Variants in SFSWAP observed in about 807,000 individuals in gnomAD.
SFSWAP encodes splicing factor SWAP.
A neutral mutation model predicts 100.7 loss-of-function variants in SFSWAP; 17 were observed. The observed-to-expected ratio is 0.17, with a 90% confidence interval of 0.12 to 0.25. The LOEUF (loss-of-function observed/expected upper bound fraction) is 0.25. SFSWAP is among the 10% of genes least tolerant of loss of function. The pLI is 1.00. For synonymous variants in SFSWAP, 504 were observed against 510.1 expected (o/e 0.99, Z 0.16); for missense variants, 1,005 against 1,262.6 (o/e 0.80, Z 3.09).
rs1885477413 is a variant in SFSWAP at position 131,794,308 on chromosome 12, G to A, written c.2535-2870G>A. Among the ~76,000 whole-genome samples the A allele has an allele frequency of 6.6e-6, 1 of 151,422 alleles. No individual in the cohort carries two copies. Among genetic ancestry groups the A allele is most frequent in the African/African-American group, 2.4e-5 (1 of 41,222 alleles). On this transcript the variant is annotated intron_variant, in intron 15 of 17. Transcript: ENST00000261674. This position sits in a 1 kb window ranked among gnomAD's most constrained non-coding sequence, Gnocchi z 4.8. ...CCAGCACTTTGGGAGGCCAAGGCAG[G>A]AGGATTGCTTGAGCCCAGGATTTGC...
chr12:131,737,989 A>T (rs1295192833), intron 7 of SFSWAP, among the ~76,000 whole-genome samples: 1 of 152,164 alleles, frequency 6.6e-6, no homozygotes. Context: ...AAGAGTATAA[A>T]TAAATAAAAG....
In SFSWAP at chr12:131,725,081, G is replaced by A. The variant is rs1878831623; in HGVS notation, c.607-324G>A. On this transcript the variant is annotated intron_variant, in intron 4 of 17. Coordinates refer to ENST00000261674, the MANE Select transcript of SFSWAP (RefSeq NM_004592.4). The surrounding 1 kb of genome is among the most constrained non-coding windows in gnomAD (Gnocchi z 4.3). ...CTTGTTTGTAAAATTCACATGCACA[G>A]AGGATTCACAAACCCCCTGAATTCC... Among the ~76,000 whole-genome samples, 1 of 152,218 alleles carries A rather than the reference G, an allele frequency of 6.6e-6. No individual in the cohort carries two copies. The highest frequency in any genetic ancestry group is 1.5e-5 in the Non-Finnish European group (1 of 68,044).
intron 14 of SFSWAP, among the ~76,000 whole-genome samples, chr12:131,783,149 C>G (rs1371450169): frequency 6.7e-6 from 1 of 149,700 alleles, no homozygotes; most frequent in Admixed American, 6.7e-5. Context: ...TCACTGCTCT[C>G]CAGCCTGGGC....
chr12:131,777,940 G>A (rs1884156102), intron 13 of SFSWAP, 125 bp from the exon 14 acceptor site: 10 of 1,456,800 alleles, frequency 6.9e-6, no homozygotes, highest in Non-Finnish European at 9.1e-6. Flanking sequence ...GCCACAGGAG[G>A]AGACTTTCTA....
intron 14 of SFSWAP, among the ~76,000 whole-genome samples, chr12:131,781,310 T>C (rs1252569545): frequency 6.7e-6 from 1 of 149,656 alleles, no homozygotes; most frequent in Non-Finnish European, 1.5e-5. Context: ...CGATCTCTGC[T>C]CACTGCAAGC....
chr12:131,768,300 CT>C (rs1290531345), intron 13 of SFSWAP, among the ~76,000 whole-genome samples: 38 of 152,340 alleles, frequency 2.5e-4, no homozygotes, highest in African/African-American at 9.1e-4. Context: ...CAGAATGAGC[CT>C]TTCACTTTAA....
intron 14 of SFSWAP, chr12:131,785,343 C>A: frequency 1.0e-6 from 1 of 982,274 alleles, no homozygotes; most frequent in Non-Finnish European, 1.5e-6. Context: ...CTCCAGGATG[C>A]CGGGGTCTGA....
intron 15 of SFSWAP, among the ~76,000 whole-genome samples, chr12:131,786,917 G>A (rs1884938104): frequency 6.6e-6 from 1 of 152,164 alleles, no homozygotes; most frequent in Non-Finnish European, 1.5e-5. Context: ...GGACAGGAAG[G>A]CACAAACAGA....
intron 13 of SFSWAP, among the ~76,000 whole-genome samples, 192 bp downstream of exon 13, chr12:131,766,500 G>A (rs186422022): frequency 6.6e-4 from 100 of 152,276 alleles, no homozygotes; most frequent in African/African-American, 2.1e-3. Flanking sequence ...AGTCTCCCCC[G>A]TCAGTGCACA....
chr12:131,725,640 A>G lies in SFSWAP; in HGVS notation c.832+10A>G, dbSNP rs1220142366. 4 of 1,600,704 alleles carry G rather than the reference A, an allele frequency of 2.5e-6. No individual in the cohort carries two copies. The highest frequency in any genetic ancestry group is 1.7e-4 in the Middle Eastern group (1 of 6,048). On this transcript the variant is annotated intron_variant, in intron 5 of 17. Transcript: ENST00000261674. The surrounding 1 kb of genome is among the most constrained non-coding windows in gnomAD (Gnocchi z 4.3). Reference sequence around the variant, plus strand: ...AGTGACGAGAAAAAAAGTAGGTCCCACTGCGTCTGTTCCGTCCAGACTTTG... The same window carrying G: ...AGTGACGAGAAAAAAAGTAGGTCCCGCTGCGTCTGTTCCGTCCAGACTTTG...
intron 4 of SFSWAP, among the ~76,000 whole-genome samples, chr12:131,722,990 A>G (rs1040530463): frequency 6.6e-6 from 1 of 152,098 alleles, no homozygotes; most frequent in Admixed American, 6.6e-5. Flanking sequence ...AAGCAAATAC[A>G]GTTGTTGCCA....
chr12:131,743,482 A>G (rs1880844066), intron 7 of SFSWAP, among the ~76,000 whole-genome samples: 1 of 152,218 alleles, frequency 6.6e-6, no homozygotes, highest in African/African-American at 2.4e-5. Flanking sequence ...AAGCTCCAAA[A>G]TGACCTTTGA....
intron 13 of SFSWAP, among the ~76,000 whole-genome samples, chr12:131,767,913 GAAAT>G (rs904419560): frequency 2.0e-5 from 3 of 152,122 alleles, no homozygotes; most frequent in African/African-American, 7.2e-5. Context: ...GGTGATGAAA[GAAAT>G]AAAAGTTGGA....
Position 131,728,424 on chromosome 12 carries a change from A to C in SFSWAP, c.1077A>C (p.Ala359=). ...PVQPSQVEYT[A]DSTVAAMYYS... ...AGCCCTCCCAGGTGGAGTACACGGC[A>C]GACTGTGAGTACTCACTGTGTATGT... The change falls in exon 7 of 18, where the codon GCA becomes GCC. Residue 359 remains alanine, a synonymous_variant. Transcript: ENST00000261674. 1.2e-6 allele frequency: 2 copies of C among 1,614,112 alleles called. No individual in the cohort carries two copies. Among genetic ancestry groups the C allele is most frequent in the Non-Finnish European group, 1.7e-6 (2 of 1,179,952 alleles).
Position 131,756,459 on chromosome 12 carries a change from C to T in SFSWAP, c.1549-14C>T. ...ATTTCCTGCTGACAGTTTATAGTGA[C>T]ATTTAATCTCTAGGCTGTGTCTGCA... On this transcript the variant is annotated splice_polypyrimidine_tract_variant and intron_variant, in intron 10 of 17. Coordinates refer to ENST00000261674, the MANE Select transcript of SFSWAP (RefSeq NM_004592.4). 6.2e-7 allele frequency: 1 copy of T among 1,611,854 alleles called. No homozygotes were observed. Among genetic ancestry groups the T allele is most frequent in the Non-Finnish European group, 8.5e-7 (1 of 1,178,652 alleles).
At chr12:131,770,148 C>T (rs1348418233) in intron 13 of SFSWAP, among the ~76,000 whole-genome samples, 1 of 152,244 alleles carries the variant, frequency 6.6e-6, no homozygotes, top group African/African-American at 2.4e-5. Flanking sequence ...AAAACAACTT[C>T]TGGGACAGGT....
chr12:131,740,489 G>C (rs1281586701), intron 7 of SFSWAP, among the ~76,000 whole-genome samples: 1 of 152,150 alleles, frequency 6.6e-6, no homozygotes, highest in Non-Finnish European at 1.5e-5. Flanking sequence ...TTCAGTCAGA[G>C]ATTCAGTTCT....
chr12:131,786,441 C>G, intron 14 of SFSWAP, 22 bp from the exon 15 acceptor site: 1 of 1,579,932 alleles, frequency 6.3e-7, no homozygotes. Flanking sequence ...CAGAGCTGAA[C>G]ACTGCCTCCT....
chr12:131,725,551 C>T lies in SFSWAP; in HGVS notation c.753C>T (p.Pro251=), dbSNP rs547952503. Residue 251 remains proline (P), a synonymous_variant, in exon 5 of 18, where the codon CCC becomes CCT. Transcript: ENST00000261674. The surrounding 1 kb of genome is among the most constrained non-coding windows in gnomAD (Gnocchi z 4.3). ...DFLRFDHYLN[P]YYKFIQKAMK... Reference sequence around the variant, plus strand: ...TGCGCTTCGACCACTACCTCAACCCCTACTATAAGTTCATCCAGAAAGCCA... The same window carrying T: ...TGCGCTTCGACCACTACCTCAACCCTTACTATAAGTTCATCCAGAAAGCCA... 504 of 1,614,166 alleles carry T rather than the reference C, an allele frequency of 3.1e-4. 4 individuals are homozygous for T. The South Asian group carries it at 4.7e-3, about 15-fold the overall frequency.
Sources: allele counts gnomAD v4.1 joint callset (sites outside exome capture counted in the v4.1 genomes callset), GRCh38; gene constraint gnomAD v4.1.1; non-coding constraint Gnocchi (gnomAD v3.1); transcripts MANE v1.5; gene names NCBI Gene and HGNC (gene_info 2026-07-23, HGNC 2026-07-21).